Variants in DCDC2 observed in about 807,000 individuals in gnomAD.
DCDC2 encodes the protein doublecortin domain-containing protein 2.
A neutral mutation model predicts 50.2 loss-of-function variants in DCDC2; 40 were observed. The observed-to-expected ratio is 0.80, with a 90% confidence interval of 0.62 to 1.04. DCDC2 has a LOEUF of 1.04. DCDC2 is among the 50% of genes least tolerant of loss of function. The pLI is 0.00. For synonymous variants in DCDC2, 234 were observed against 210.6 expected (o/e 1.11, Z -0.96); for missense variants, 570 against 581.9 (o/e 0.98, Z 0.21).
chr6:24,209,876 A>T (rs1248458955), intron 7 of DCDC2, among the ~76,000 whole-genome samples: 1 of 152,054 alleles, frequency 6.6e-6, no homozygotes, highest in Non-Finnish European at 1.5e-5. Flanking sequence ...TCACCCCCAC[A>T]CTTTCCCCAG....
chr6:24,180,326 CCTGG>C (rs1005374229), intron 8 of DCDC2, among the ~76,000 whole-genome samples: 6 of 151,852 alleles, frequency 4.0e-5, no homozygotes, highest in African/African-American at 1.5e-4. Context: ...GCTCTGTCGC[CCTGG>C]CTGGAGTGCA....
rs1491184734 is a variant in DCDC2, at chr6:24,182,630, A to AAAAAAAT, written c.1024-3999_1024-3998insATTTTTT. Among the ~76,000 whole-genome samples, 5 of 4,314 alleles carry AAAAAAAT rather than the reference A, an allele frequency of 1.2e-3. No homozygotes were observed. The South Asian group carries it at 0.041, about 35-fold the overall frequency. The allele number at this position is 4,314 out of a possible 152,430, so 2.8% of individuals were successfully genotyped here. On this transcript the variant is annotated intron_variant, in intron 8 of 9. Coordinates refer to ENST00000378454, the MANE Select transcript of DCDC2 (RefSeq NM_016356.5). The stretch of plus-strand genomic sequence containing the variant: ...ACCTAACACCCATTATGATGACAAG[A>AAAAAAAT]AAAAAAAAAAAAAACAGAAGAAAAC...
chr6:24,291,963 G>A (rs1049563949), intron 4 of DCDC2, among the ~76,000 whole-genome samples: 1 of 152,116 alleles, frequency 6.6e-6, no homozygotes, highest in Non-Finnish European at 1.5e-5. Flanking sequence ...CAGTGTTAAT[G>A]ATGCAGAACT....
intron 7 of DCDC2, among the ~76,000 whole-genome samples, chr6:24,250,094 C>G (rs1762766612): frequency 6.6e-6 from 1 of 152,106 alleles, no homozygotes. Flanking sequence ...TTACCCGGGT[C>G]CCGGCAGCCT....
At chr6:24,363,100 G>A in the DCDC2 span, among the ~76,000 whole-genome samples, 9 of 152,332 alleles carry the variant, frequency 5.9e-5, 1 homozygote, top group African/African-American at 2.2e-4. Flanking sequence ...AAGGAGGGGA[G>A]AGTTTTTGTA....
At chr6:24,332,847 G>A (rs185433493) in intron 2 of DCDC2, among the ~76,000 whole-genome samples, 21 of 152,204 alleles carry the variant, frequency 1.4e-4, no homozygotes, top group Admixed American at 1.4e-3. Context: ...GTTTGATGCT[G>A]GGCTGGTATA....
At chr6:24,290,015 AC>A (rs1763708173) in intron 5 of DCDC2, among the ~76,000 whole-genome samples, 1 of 83,206 alleles carries the variant, frequency 1.2e-5, no homozygotes, top group Non-Finnish European at 2.1e-5. Flanking sequence ...TTTTTTTGAG[AC>A]GGAGTCTCGC....
intron 6 of DCDC2, among the ~76,000 whole-genome samples, chr6:24,284,628 AAT>A (rs1491413126): frequency 6.9e-6 from 1 of 145,050 alleles, no homozygotes; most frequent in African/African-American, 2.6e-5. Flanking sequence ...AAAAAAAAAA[AAT>A]TTTTTTTGAA....
intron 2 of DCDC2, among the ~76,000 whole-genome samples, chr6:24,329,460 A>G (rs1390651601): frequency 6.6e-6 from 1 of 152,086 alleles, no homozygotes; most frequent in Admixed American, 6.6e-5. Flanking sequence ...TTTCATTTCA[A>G]CTCCTCATTT....
At chr6:24,291,509 G>A (rs62400411) in intron 4 of DCDC2, among the ~76,000 whole-genome samples, 21,017 of 120,136 alleles carry the variant, frequency 0.17, 1,675 homozygotes, top group Middle Eastern at 0.23. Flanking sequence ...TTTTTGAGAC[G>A]GAGTCTCGCT....
chr6:24,355,895 A>G (rs1760458967), intron 1 of DCDC2, among the ~76,000 whole-genome samples: 1 of 152,156 alleles, frequency 6.6e-6, no homozygotes, highest in African/African-American at 2.4e-5. Flanking sequence ...TAGTTATAAG[A>G]CTTTATTTGA....
At chr6:24,290,855 A>T in intron 5 of DCDC2, 77 bp downstream of exon 5, 1 of 1,237,250 alleles carries the variant, frequency 8.1e-7, no homozygotes, top group East Asian at 2.4e-5. Flanking sequence ...CATAAAATAT[A>T]ATGGTGGTCA....
At chr6:24,216,622 T>C (rs1761989158) in intron 7 of DCDC2, among the ~76,000 whole-genome samples, 1 of 152,192 alleles carries the variant, frequency 6.6e-6, no homozygotes, top group Admixed American at 6.5e-5. Context: ...ATCAAGACAG[T>C]CAGGGATGAA....
chr6:24,256,455 T>C (rs994730818), intron 7 of DCDC2, among the ~76,000 whole-genome samples: 1 of 152,104 alleles, frequency 6.6e-6, no homozygotes, highest in African/African-American at 2.4e-5. Context: ...TTTACAGAGG[T>C]AGTCAAGTTA....
rs1433046761 is a variant in DCDC2 at position 24,174,605 on chromosome 6, A to G, written c.*125T>C. ...GTCTTTCCACTAGGCTTCTAATGTTATAATTCGTAGGTAGTATTCGACCAT... is the reference window on the plus strand; with the variant it reads ...GTCTTTCCACTAGGCTTCTAATGTTGTAATTCGTAGGTAGTATTCGACCAT... On this transcript the variant is annotated 3_prime_UTR_variant, in exon 10 of 10. Transcript: ENST00000378454. 8.6e-6 allele frequency: 5 copies of G among 581,864 alleles called. No homozygotes were observed. The highest frequency in any genetic ancestry group is 5.6e-5 in the East Asian group (2 of 36,024). 36.0% of individuals were successfully genotyped at this position (581,864 alleles called of 1,614,324 possible). A position where few individuals can be genotyped will look rare whatever the true frequency, so the allele number is the denominator to read the frequency against.
At chr6:24,318,753 T>G (rs1052403366) in intron 2 of DCDC2, among the ~76,000 whole-genome samples, 3 of 146,674 alleles carry the variant, frequency 2.0e-5, no homozygotes, top group Admixed American at 6.7e-5. Flanking sequence ...TTTTAACAGC[T>G]GAATAATATT....
chr6:24,211,017 C>T (rs1360510586), intron 7 of DCDC2, among the ~76,000 whole-genome samples: 1 of 152,200 alleles, frequency 6.6e-6, no homozygotes. Flanking sequence ...GGAAACCCTC[C>T]TTGTTCCAAT....
chr6:24,220,074 C>G (rs953099198), intron 7 of DCDC2, among the ~76,000 whole-genome samples: 2 of 152,346 alleles, frequency 1.3e-5, no homozygotes, highest in East Asian at 3.9e-4. Flanking sequence ...GGCTACCCAT[C>G]GCTCCTTTTC....
chr6:24,356,547 CAATA>C (rs1760470597), intron 1 of DCDC2, among the ~76,000 whole-genome samples: 1 of 152,014 alleles, frequency 6.6e-6, no homozygotes, highest in Non-Finnish European at 1.5e-5. Flanking sequence ...AAATCTATCT[CAATA>C]AAGCTGTAAA....
Sources: gnomAD v4.1 joint callset for allele counts (sites outside exome capture counted in the v4.1 genomes callset) on GRCh38, gnomAD v4.1.1 for gene constraint, MANE v1.5 for transcripts, NCBI Gene and HGNC (gene_info 2026-07-23, HGNC 2026-07-21) for gene names.